The following EFCC1 variants were observed in gnomAD, a reference collection of about 807,000 sequenced individuals.
EFCC1 encodes EF-hand and coiled-coil domain containing 1.
EFCC1 carries 50 observed loss-of-function variants against 52.1 expected under a neutral mutation model. The ratio of observed to expected loss-of-function variants is 0.96; its 90% CI spans 0.76 to 1.21. EFCC1 has a LOEUF of 1.21. Among genes scored for constraint, EFCC1 ranks in the 50% most tolerant of loss-of-function variants. The pLI is 0.00. For synonymous variants in EFCC1, 399 were observed against 396.5 expected, an observed-to-expected ratio of 1.01 and a Z score of -0.08; for missense variants, 837 against 867.3, an observed-to-expected ratio of 0.97 and a Z score of 0.44.
At chr3:129,031,767 T>C (rs1336743268) in intron 3 of EFCC1, among the ~76,000 whole-genome samples, 1 of 152,188 alleles carries the variant, frequency 6.6e-6, no homozygotes, top group Non-Finnish European at 1.5e-5. Flanking sequence ...AGTGGCAAGA[T>C]GGTCACCAGT....
chr3:129,029,227 AT>A (rs1466374219), intron 2 of EFCC1, among the ~76,000 whole-genome samples: 1 of 152,210 alleles, frequency 6.6e-6, no homozygotes, highest in Non-Finnish European at 1.5e-5. Flanking sequence ...GGCCAGTTTA[AT>A]AAGTGGCCCA....
intron 2 of EFCC1, among the ~76,000 whole-genome samples, chr3:129,020,119 G>A (rs1429155559): frequency 2.0e-5 from 3 of 152,146 alleles, no homozygotes; most frequent in African/African-American, 7.2e-5. Context: ...ATTGGACGAT[G>A]CAGGCCAGAT....
In EFCC1 at chr3:129,003,981, G is replaced by A; in HGVS notation, c.884G>A (p.Ser295Asn). The change falls in exon 2 of 8, where the codon AGC becomes AAC. Residue 295 changes from serine to asparagine, a missense_variant. By Grantham distance (46) the Ser-to-Asn change is conservative (BLOSUM62 1). Transcript: ENST00000683648. Reference protein sequence around the residue: ...AEEARQVVLRSLHRVRELEAL... With the variant: ...AEEARQVVLRNLHRVRELEAL... ...GAGGCCCGGCAGGTGGTGCTGCGCA[G>A]CCTGCACCGCGTGCGAGAGCTGGAG... is the stretch of plus-strand genomic sequence containing the variant. 3 of 1,496,720 alleles carry A rather than the reference G, an allele frequency of 2.0e-6. No individual in the cohort carries two copies. Among genetic ancestry groups the A allele is most frequent in the Non-Finnish European group, 2.7e-6 (3 of 1,130,582 alleles). 92.7% of individuals were successfully genotyped at this position (1,496,720 alleles called of 1,614,324 possible).
At chr3:129,032,744 G>T in intron 3 of EFCC1, 75 bp from the exon 4 acceptor site, 1 of 1,514,724 alleles carries the variant, frequency 6.6e-7, no homozygotes, top group Non-Finnish European at 8.9e-7. Flanking sequence ...GGGCTGCGCT[G>T]CACATGTCCC....
At chr3:129,032,780 A>G in intron 3 of EFCC1, 39 bp from the exon 4 acceptor site, 1 of 1,539,204 alleles carries the variant, frequency 6.5e-7, no homozygotes, top group Non-Finnish European at 8.8e-7. Context: ...CTGGTTCCCC[A>G]CCCTTTGTCC....
intron 2 of EFCC1, among the ~76,000 whole-genome samples, chr3:129,024,505 T>A (rs762844646): frequency 6.7e-6 from 1 of 149,504 alleles, no homozygotes; most frequent in Non-Finnish European, 1.5e-5. Flanking sequence ...CACTCCAGCC[T>A]GGGTGACAGA....
chr3:129,005,247 C>G (rs928174800), intron 2 of EFCC1, among the ~76,000 whole-genome samples: 1 of 152,242 alleles, frequency 6.6e-6, no homozygotes. Context: ...GTGGGGGACA[C>G]TCATCAGCCT....
chr3:129,028,263 T>C (rs1049350888), intron 2 of EFCC1, among the ~76,000 whole-genome samples: 4 of 151,978 alleles, frequency 2.6e-5, no homozygotes, highest in Admixed American at 2.0e-4. Context: ...TTTGTATTTT[T>C]AGTAGAGATG....
chr3:129,019,764 C>CTTTTT lies in EFCC1; in HGVS notation c.981-10922_981-10918dup, dbSNP rs760118112. On this transcript the variant is annotated intron_variant, in intron 2 of 7. Coordinates refer to ENST00000683648, the MANE Select transcript of EFCC1 (RefSeq NM_001377500.1). ...TTTTATTTAACTTTGATTAAATTTACTTTTTTTTTTTTTTTTTTTTTGAGA... is the reference window on the plus strand; with the variant it reads ...TTTTATTTAACTTTGATTAAATTTACTTTTTTTTTTTTTTTTTTTTTTTTTTGAGA... Among the ~76,000 whole-genome samples the CTTTTT allele has an allele frequency of 2.8e-4, 30 of 107,428 alleles. 1 individual carries two copies. The highest frequency in any genetic ancestry group is 4.0e-4 in the Non-Finnish European group (21 of 52,966). The allele number at this position is 107,428 out of a possible 152,430, so 70.5% of individuals were successfully genotyped here.
intron 1 of EFCC1, 136 bp downstream of exon 1, chr3:129,002,460 C>T: frequency 7.3e-7 from 1 of 1,379,276 alleles, no homozygotes. Context: ...TCCCACTCCG[C>T]ATCAGCACAC....
intron 6 of EFCC1, 37 bp from the exon 7 acceptor site, chr3:129,038,794 C>T: frequency 6.2e-7 from 1 of 1,605,316 alleles, no homozygotes; most frequent in South Asian, 1.1e-5. Flanking sequence ...GACACAGCAA[C>T]CAGTCTAATC....
intron 4 of EFCC1, among the ~76,000 whole-genome samples, chr3:129,033,625 C>T (rs1946316280): frequency 1.3e-5 from 2 of 152,232 alleles, no homozygotes; most frequent in South Asian, 4.1e-4. Flanking sequence ...ACCAATTCTT[C>T]ATGTCAACAA....
intron 2 of EFCC1, among the ~76,000 whole-genome samples, chr3:129,027,643 G>A (rs1576773532): frequency 6.6e-6 from 1 of 152,278 alleles, no homozygotes. Flanking sequence ...CACTCAGCGA[G>A]TCCATGTAAA....
At chr3:129,028,545 G>GT (rs1470663979) in intron 2 of EFCC1, among the ~76,000 whole-genome samples, 11 of 152,038 alleles carry the variant, frequency 7.2e-5, no homozygotes, top group African/African-American at 1.9e-4. Flanking sequence ...TATGGGTTTT[G>GT]TTTTTTTGTT....
chr3:129,015,786 A>G lies in EFCC1; in HGVS notation c.980+11709A>G, dbSNP rs1945555556. 2.2e-5 allele frequency among the ~76,000 whole-genome samples: 3 copies of G among 135,334 alleles called. No homozygotes were observed. In the South Asian group the frequency reaches 7.7e-4, roughly 35 times the overall value. The allele number at this position is 135,334 out of a possible 152,430, so 88.8% of individuals were successfully genotyped here. A position where few individuals can be genotyped will look rare whatever the true frequency, so the allele number is the denominator to read the frequency against. On this transcript the variant is annotated intron_variant, in intron 2 of 7. Coordinates refer to ENST00000683648, the MANE Select transcript of EFCC1 (RefSeq NM_001377500.1). The stretch of plus-strand genomic sequence containing the variant: ...TTCCTCTGCTGCATCCCGCCCCCCT[A>G]CCCCAAGCTGTTCTTCCTGCTGTTG...
intron 5 of EFCC1, among the ~76,000 whole-genome samples, chr3:129,036,764 A>G (rs1576786116): frequency 6.6e-6 from 1 of 152,278 alleles, no homozygotes; most frequent in Non-Finnish European, 1.5e-5. Flanking sequence ...TGAAAGAAAC[A>G]AAACCAGAGA....
At chr3:129,017,478 C>T (rs1222370303) in intron 2 of EFCC1, among the ~76,000 whole-genome samples, 4 of 152,244 alleles carry the variant, frequency 2.6e-5, no homozygotes, top group Non-Finnish European at 5.9e-5. Context: ...GCACCCTTGG[C>T]CGGGTCTGGA....
At position 129,037,118 on chromosome 3, in the gene EFCC1, G is replaced by A. The variant is rs1238299143; in HGVS notation, c.1593+1G>A. The stretch of plus-strand genomic sequence containing the variant: ...GCTCCTGCAGAGGCTCCGGGACCTG[G>A]TAGGCTCACGGGAGAGCTGCCACAC... On this transcript the variant is annotated splice_donor_variant, in intron 6 of 7. Coordinates refer to ENST00000683648, the MANE Select transcript of EFCC1 (RefSeq NM_001377500.1). LOFTEE classifies it high-confidence loss of function. 1 of 1,602,484 alleles carries A rather than the reference G, an allele frequency of 6.2e-7. No homozygotes were observed. The highest frequency in any genetic ancestry group is 8.5e-7 in the Non-Finnish European group (1 of 1,176,338).
chr3:129,017,209 C>T (rs534449034), intron 2 of EFCC1, among the ~76,000 whole-genome samples: 17 of 152,330 alleles, frequency 1.1e-4, no homozygotes, highest in Admixed American at 9.1e-4. Flanking sequence ...ATTGAGGCTT[C>T]GTGAAGGCGG....
Sources: gnomAD v4.1 joint callset for allele counts (sites outside exome capture counted in the v4.1 genomes callset) on GRCh38, gnomAD v4.1.1 for gene constraint, MANE v1.5 for transcripts, NCBI Gene and HGNC (gene_info 2026-07-23, HGNC 2026-07-21) for gene names.